SLC4A10: variants seen among roughly 807,000 people sequenced by gnomAD.
SLC4A10 encodes sodium-driven chloride bicarbonate exchanger.
In SLC4A10, 42 loss-of-function variants were observed where a neutral mutation model predicts 137.7. The observed-to-expected ratio is 0.30, with a 90% confidence interval of 0.24 to 0.39. SLC4A10 has a LOEUF of 0.39. SLC4A10 is among the 10% of genes least tolerant of loss of function. SLC4A10 has a pLI of 1.00. For missense variants in SLC4A10, 925 were observed against 1,355.0 expected, an observed-to-expected ratio of 0.68 and a Z score of 4.98; for synonymous variants, 474 against 464.1, an observed-to-expected ratio of 1.02 and a Z score of -0.27.
At chr2:161,889,510 G>A (rs974622140) in intron 10 of SLC4A10, among the ~76,000 whole-genome samples, 6 of 152,074 alleles carry the variant, frequency 3.9e-5, no homozygotes, top group African/African-American at 1.4e-4. Flanking sequence ...TTTAGTCTTG[G>A]GAGAGTGTAT....
At chr2:161,755,872 A>G (rs1442405599) in intron 1 of SLC4A10, among the ~76,000 whole-genome samples, 4 of 151,010 alleles carry the variant, frequency 2.6e-5, no homozygotes, top group Admixed American at 1.3e-4. Flanking sequence ...CCAGGTAAAG[A>G]GATTCTCCTG....
intron 4 of SLC4A10, among the ~76,000 whole-genome samples, chr2:161,844,980 C>T (rs2059404318): frequency 1.3e-5 from 2 of 152,166 alleles, no homozygotes; most frequent in African/African-American, 4.8e-5. Flanking sequence ...TTATCCCTCA[C>T]ATCTCATTCA....
Position 161,984,119 on chromosome 2 carries a change from C to T in SLC4A10, c.*967C>T, listed in dbSNP as rs908053144. On this transcript the variant is annotated 3_prime_UTR_variant, in exon 27 of 27. Coordinates refer to ENST00000446997, the MANE Select transcript of SLC4A10 (RefSeq NM_001178015.2). Reference sequence around the variant, plus strand: ...AGTTACTCTGCAGCTAATGGTCATGCACTGCTTAATGCTGGTCCTGAATCA... The same window carrying T: ...AGTTACTCTGCAGCTAATGGTCATGTACTGCTTAATGCTGGTCCTGAATCA... The T allele has an allele frequency of 1.3e-5, 2 of 152,130 alleles. No homozygotes were observed. Among genetic ancestry groups the T allele is most frequent in the Non-Finnish European group, 2.9e-5 (2 of 67,986 alleles). 9.4% of individuals were successfully genotyped at this position (152,130 alleles called of 1,614,324 possible).
intron 1 of SLC4A10, chr2:161,709,791 G>T (rs1386346216): frequency 4.0e-5 from 6 of 151,596 alleles, no homozygotes; most frequent in Non-Finnish European, 3.0e-5. Context: ...ACTTGGATAA[G>T]AAACTACCTA....
At chr2:161,700,976 A>C (rs969528738) in intron 1 of SLC4A10, among the ~76,000 whole-genome samples, 4 of 152,048 alleles carry the variant, frequency 2.6e-5, no homozygotes, top group Non-Finnish European at 5.9e-5. Context: ...CTTTTTTAGA[A>C]TGATAGTAGC....
intron 10 of SLC4A10, among the ~76,000 whole-genome samples, chr2:161,883,346 A>G (rs1437680797): frequency 6.6e-6 from 1 of 152,164 alleles, no homozygotes; most frequent in African/African-American, 2.4e-5. Flanking sequence ...TACTTTTTCT[A>G]TGTTTACAAT....
chr2:161,804,471 A>T lies in SLC4A10; in HGVS notation c.153A>T (p.Gly51=), dbSNP rs780592235. 1.6e-5 allele frequency: 25 copies of T among 1,612,688 alleles called. No homozygotes were observed. The highest frequency in any genetic ancestry group is 2.0e-5 in the Non-Finnish European group (23 of 1,179,186). ...DLEGHRTLFI[G]VHVPLGGRKS... is the part of the protein sequence containing the mutation. ...AAGGTCATCGAACACTATTTATTGG[A>T]GTACATGTGCCCTTGGGAGGAAGAA... is the stretch of plus-strand genomic sequence containing the variant. Residue 51 remains glycine (G), a synonymous_variant, in exon 3 of 27, where the codon GGA becomes GGT. Coordinates refer to ENST00000446997, the MANE Select transcript of SLC4A10 (RefSeq NM_001178015.2).
chr2:161,750,745 T>A (rs1006270352), intron 1 of SLC4A10, among the ~76,000 whole-genome samples: 3 of 151,762 alleles, frequency 2.0e-5, no homozygotes, highest in Non-Finnish European at 4.4e-5. Flanking sequence ...ATTGAGTTCA[T>A]TTGGTCTGTA....
intron 3 of SLC4A10, among the ~76,000 whole-genome samples, chr2:161,825,563 A>C (rs2125709649): frequency 6.6e-6 from 1 of 151,726 alleles, no homozygotes; most frequent in South Asian, 2.1e-4. Flanking sequence ...GCCCAAGATG[A>C]CTCTATATTC....
At chr2:161,976,902 T>G (rs1199549874) in intron 25 of SLC4A10, 26 bp downstream of exon 25, 2 of 1,225,466 alleles carry the variant, frequency 1.6e-6, no homozygotes, top group Middle Eastern at 3.7e-4. Flanking sequence ...TAATGAGAAT[T>G]TATACTAATT....
intron 1 of SLC4A10, among the ~76,000 whole-genome samples, chr2:161,734,344 T>C (rs958485164): frequency 6.6e-6 from 1 of 152,186 alleles, no homozygotes; most frequent in Non-Finnish European, 1.5e-5. Context: ...GTTCTCGTGG[T>C]AGTGAATAAG....
chr2:161,624,506 G>A lies in SLC4A10; in HGVS notation c.-13G>A, dbSNP rs1405895765. 6.4e-7 allele frequency: 1 copy of A among 1,553,246 alleles called. No individual in the cohort carries two copies. Among genetic ancestry groups the A allele is most frequent in the Admixed American group, 2.0e-5 (1 of 51,148 alleles). On this transcript the variant is annotated 5_prime_UTR_variant, in exon 1 of 27. Coordinates refer to ENST00000446997, the MANE Select transcript of SLC4A10 (RefSeq NM_001178015.2). ...TGCAGAGCAAGGTGCTTATTCCAGAGGCGTTACAAAACATGGAGATTAAAG... is the reference window on the plus strand; with the variant it reads ...TGCAGAGCAAGGTGCTTATTCCAGAAGCGTTACAAAACATGGAGATTAAAG...
intron 23 of SLC4A10, among the ~76,000 whole-genome samples, chr2:161,973,538 A>T (rs1467126339): frequency 6.6e-6 from 1 of 152,228 alleles, no homozygotes; most frequent in Non-Finnish European, 1.5e-5. Context: ...AATTTGAAGC[A>T]TAAAACAAAA....
chr2:161,980,448 A>G (rs1240578234), intron 26 of SLC4A10, among the ~76,000 whole-genome samples: 2 of 152,200 alleles, frequency 1.3e-5, no homozygotes, highest in Admixed American at 6.5e-5. Context: ...CGGGAGCTCA[A>G]GATCGGCCTG....
intron 1 of SLC4A10, among the ~76,000 whole-genome samples, chr2:161,636,285 CT>C (rs2034377456): frequency 6.6e-6 from 1 of 152,064 alleles, no homozygotes; most frequent in Admixed American, 6.6e-5. Context: ...ACATAATGTT[CT>C]GTAGGTTTAT....
intron 15 of SLC4A10, among the ~76,000 whole-genome samples, chr2:161,909,512 C>T (rs767325200): frequency 2.0e-5 from 3 of 152,134 alleles, no homozygotes; most frequent in Non-Finnish European, 4.4e-5. Context: ...CCACCTGGCA[C>T]CTGAAATGGG....
intron 1 of SLC4A10, among the ~76,000 whole-genome samples, chr2:161,746,567 C>T (rs1300498519): frequency 1.3e-5 from 2 of 151,384 alleles, no homozygotes; most frequent in Admixed American, 6.6e-5. Context: ...GAGTCAGCTT[C>T]GTGCTTTATT....
chr2:161,821,974 A>G (rs979981383), intron 3 of SLC4A10, among the ~76,000 whole-genome samples: 9 of 152,168 alleles, frequency 5.9e-5, no homozygotes, highest in Non-Finnish European at 1.3e-4. Context: ...ATTTCAATAA[A>G]TTATTATTTT....
intron 6 of SLC4A10, among the ~76,000 whole-genome samples, chr2:161,866,976 T>C (rs2060799515): frequency 6.6e-6 from 1 of 151,826 alleles, no homozygotes; most frequent in South Asian, 2.1e-4. Flanking sequence ...CCTTCACATA[T>C]CTTTTGTCTC....
Sources: allele counts gnomAD v4.1 joint callset (sites outside exome capture counted in the v4.1 genomes callset), GRCh38; gene constraint gnomAD v4.1.1; transcripts MANE v1.5; gene names NCBI Gene and HGNC (gene_info 2026-07-23, HGNC 2026-07-21).